VPS53: variants seen among roughly 807,000 people sequenced by gnomAD.
The protein encoded by VPS53 is VPS53 subunit of GARP complex.
VPS53 carries 70 observed loss-of-function variants against 107.0 expected under a neutral mutation model. The observed-to-expected ratio is 0.65, with a 90% CI of 0.54 to 0.80. The LOEUF (loss-of-function observed/expected upper bound fraction) is 0.80, where lower values mean the gene tolerates loss of function less well. VPS53 is among the 30% of genes least tolerant of loss of function. The pLI is 0.00. For missense variants in VPS53, 917 were observed against 1,049.4 expected, an observed-to-expected ratio of 0.87 and a Z score of 1.74; for synonymous variants, 409 against 393.3, an observed-to-expected ratio of 1.04 and a Z score of -0.47.
intron 7 of VPS53, among the ~76,000 whole-genome samples, chr17:651,947 A>G (rs1466198270): frequency 6.6e-6 from 1 of 152,116 alleles, no homozygotes; most frequent in African/African-American, 2.4e-5. Context: ...GAAGGAAAGA[A>G]TAAGGTTGGG....
chr17:667,779 G>A (rs560355298), intron 4 of VPS53, among the ~76,000 whole-genome samples: 15 of 152,240 alleles, frequency 9.9e-5, no homozygotes, highest in African/African-American at 3.6e-4. Flanking sequence ...GGCCTGTTGG[G>A]AACTGGGCCG....
chr17:590,827 G>A (rs1470525348), intron 12 of VPS53, among the ~76,000 whole-genome samples: 2 of 148,926 alleles, frequency 1.3e-5, no homozygotes, highest in Non-Finnish European at 3.0e-5. Flanking sequence ...AAGGATATTG[G>A]TCTAAAATTC....
intron 2 of VPS53, among the ~76,000 whole-genome samples, chr17:706,797 T>C (rs1973422205): frequency 6.6e-6 from 1 of 152,082 alleles, no homozygotes; most frequent in Admixed American, 6.5e-5. Context: ...CTGCATGACT[T>C]TGGTCCCCTC....
At chr17:581,297 T>G (rs1011940193) in intron 13 of VPS53, among the ~76,000 whole-genome samples, 64 of 150,558 alleles carry the variant, frequency 4.3e-4, no homozygotes, top group Middle Eastern at 3.4e-3. Flanking sequence ...CTCAATGCGT[T>G]CCCAGAGAAC....
chr17:622,610 C>A (rs1434204055), intron 11 of VPS53, among the ~76,000 whole-genome samples: 1 of 152,142 alleles, frequency 6.6e-6, no homozygotes, highest in Admixed American at 6.6e-5. Context: ...ACAGAAATTA[C>A]CATAGAACAG....
At chr17:535,536 G>A (rs560725735) in intron 18 of VPS53, among the ~76,000 whole-genome samples, 2 of 152,138 alleles carry the variant, frequency 1.3e-5, no homozygotes, top group South Asian at 4.2e-4. Context: ...GCTGGGAGAC[G>A]CTGGGACTGG....
chr17:662,886 G>GC (rs1328018016), intron 4 of VPS53, among the ~76,000 whole-genome samples: 16 of 146,008 alleles, frequency 1.1e-4, no homozygotes, highest in African/African-American at 4.0e-4. Context: ...AGGAAGGAAG[G>GC]AAGGAAGGCA....
At chr17:568,243 CTTAT>C (rs934088994) in intron 13 of VPS53, among the ~76,000 whole-genome samples, 3 of 151,960 alleles carry the variant, frequency 2.0e-5, no homozygotes, top group Non-Finnish European at 2.9e-5. Context: ...AGTTAGATAA[CTTAT>C]TTATTTATTT....
chr17:553,651 T>G (rs1207312877), intron 15 of VPS53, among the ~76,000 whole-genome samples, 189 bp from the exon 16 acceptor site: 1 of 149,314 alleles, frequency 6.7e-6, no homozygotes, highest in Non-Finnish European at 1.5e-5. Context: ...GCTCACTGCA[T>G]CCTCTGCCTC....
intron 3 of VPS53, among the ~76,000 whole-genome samples, chr17:698,003 C>A (rs963247024): frequency 1.3e-5 from 2 of 152,174 alleles, no homozygotes; most frequent in Admixed American, 1.3e-4. Flanking sequence ...TGGGCCACCA[C>A]CCAACCCACC....
intron 19 of VPS53, among the ~76,000 whole-genome samples, chr17:523,839 G>A (rs1908925248): frequency 1.3e-5 from 2 of 152,206 alleles, no homozygotes; most frequent in African/African-American, 4.8e-5. Context: ...AAACCTCCAG[G>A]AGGGGGAATG....
intron 1 of VPS53, among the ~76,000 whole-genome samples, chr17:712,914 T>A (rs977852556): frequency 9.9e-5 from 15 of 152,194 alleles, no homozygotes; most frequent in African/African-American, 3.6e-4. Context: ...AGAAATGTTA[T>A]GTCTTTTTCT....
rs73281338 is a variant in VPS53, at chr17:642,126, C to A, written c.609-10498G>T. 9.9e-3 allele frequency among the ~76,000 whole-genome samples: 1,509 copies of A among 152,336 alleles called. 26 individuals carry two copies. The highest frequency in any genetic ancestry group is 0.034 in the African/African-American group (1,411 of 41,570). ...ACAGTCCCAAAGAAAACACCCCCAA[C>A]AGTTCCCAAATAAATATACCGCCCT... On this transcript the variant is annotated intron_variant, in intron 7 of 21. Transcript: ENST00000437048.
At position 629,493 on chromosome 17, in the gene VPS53, C is replaced by T. The variant is rs201982266; in HGVS notation, c.688-1262G>A. ...GAAAACTAGGCTGGGAGCGGTGGCT[C>T]ACGCCTGTAATCCCAGCACTTTGGG... On this transcript the variant is annotated intron_variant, in intron 8 of 21. Transcript: ENST00000437048. Among the ~76,000 whole-genome samples the T allele has an allele frequency of 1.9e-4, 29 of 152,260 alleles. 1 individual carries two copies. The East Asian group carries it at 5.4e-3, about 28-fold the overall frequency.
chr17:590,839 C>G (rs1373782802), intron 12 of VPS53, among the ~76,000 whole-genome samples: 1 of 149,998 alleles, frequency 6.7e-6, no homozygotes, highest in African/African-American at 2.4e-5. Context: ...CTAAAATTCT[C>G]TTTTTTGGTT....
At chr17:617,870 A>G (rs9906558) in intron 11 of VPS53, among the ~76,000 whole-genome samples, 10 of 48,324 alleles carry the variant, frequency 2.1e-4, no homozygotes, top group East Asian at 1.8e-3. Context: ...CCCCACTAAT[A>G]TTTCCCGGGT....
intron 9 of VPS53, 23 bp downstream of exon 9, chr17:628,060 CATCTG>C: frequency 6.3e-7 from 1 of 1,594,792 alleles, no homozygotes; most frequent in East Asian, 2.2e-5. Flanking sequence ...TCAAATGTTA[CATCTG>C]ATCTTATTTG....
chr17:678,611 C>A (rs1408584155), intron 4 of VPS53, among the ~76,000 whole-genome samples: 1 of 150,752 alleles, frequency 6.6e-6, no homozygotes, highest in Non-Finnish European at 1.5e-5. Flanking sequence ...GGATTACAGG[C>A]ATGTGCCACC....
chr17:617,046 T>C (rs938442958), intron 11 of VPS53, among the ~76,000 whole-genome samples: 2 of 152,186 alleles, frequency 1.3e-5, no homozygotes, highest in African/African-American at 4.8e-5. Context: ...GGCAAGAATG[T>C]CATTCAAGCA....
Sources: gnomAD v4.1 joint callset for allele counts (sites outside exome capture counted in the v4.1 genomes callset) on GRCh38, gnomAD v4.1.1 for gene constraint, MANE v1.5 for transcripts, NCBI Gene and HGNC (gene_info 2026-07-23, HGNC 2026-07-21) for gene names.